SETDB1: variants seen among roughly 807,000 people sequenced by gnomAD.
SETDB1 encodes the protein histone-lysine N-methyltransferase SETDB1.
In SETDB1, 31 loss-of-function variants were observed where a neutral mutation model predicts 137.4. The observed-to-expected ratio is 0.23, with a 90% confidence interval of 0.17 to 0.30. The LOEUF is 0.30. Ranked by LOEUF, SETDB1 falls within the 10% of genes least tolerant of loss-of-function variation. SETDB1 has a pLI of 1.00. For synonymous variants in SETDB1, 548 were observed against 579.9 expected, an observed-to-expected ratio of 0.95 and a Z score of 0.79; for missense variants, 1,113 against 1,631.5, an observed-to-expected ratio of 0.68 and a Z score of 5.47.
intron 21 of SETDB1, 26 bp from the exon 22 acceptor site, chr1:150,964,221 C>T (rs1456595142): frequency 6.3e-7 from 1 of 1,599,058 alleles, no homozygotes; most frequent in Non-Finnish European, 8.6e-7. Flanking sequence ...GTCTTTGCCA[C>T]ACACCATCCT....
chr1:150,927,302 T>A (rs1669559014), intron 1 of SETDB1, among the ~76,000 whole-genome samples: 1 of 152,134 alleles, frequency 6.6e-6, no homozygotes, highest in Non-Finnish European at 1.5e-5. Context: ...ATTTTTGTAT[T>A]TTTTTGTAAA....
chr1:150,937,513 G>C (rs1464479329), intron 3 of SETDB1, among the ~76,000 whole-genome samples: 1 of 152,144 alleles, frequency 6.6e-6, no homozygotes, highest in Non-Finnish European at 1.5e-5. Context: ...GGCTACTCAG[G>C]AGGTTGAGGC....
chr1:150,942,730 G>T, intron 6 of SETDB1, 42 bp downstream of exon 6: 1 of 1,603,496 alleles, frequency 6.2e-7, no homozygotes, highest in African/African-American at 1.3e-5. Context: ...AAGGCAACCT[G>T]CACCCTCCAC....
At chr1:150,936,986 A>G (rs1669965038) in intron 3 of SETDB1, among the ~76,000 whole-genome samples, 1 of 152,088 alleles carries the variant, frequency 6.6e-6, no homozygotes. Flanking sequence ...TTAGCTGGGT[A>G]TGGTGGTGGG....
At chr1:150,947,091 G>T in intron 10 of SETDB1, 79 bp downstream of exon 10, 1 of 1,536,730 alleles carries the variant, frequency 6.5e-7, no homozygotes, top group Middle Eastern at 1.7e-4. Context: ...GCTATCCTTT[G>T]ATTAGCATGG....
intron 9 of SETDB1, 38 bp downstream of exon 9, chr1:150,945,146 G>T (rs777507839): frequency 1.4e-5 from 23 of 1,612,690 alleles, no homozygotes; most frequent in Middle Eastern, 3.3e-4. Context: ...GCAGAGGTTG[G>T]TGGGGGGGGA....
Position 150,943,800 on chromosome 1 carries a change from C to T in SETDB1, c.876-120C>T, listed in dbSNP as rs759907980. ...GGAAGAAAGTAGTGGACTGGATTGT[C>T]TTCCCTGGAGTGCATCGTGTTGTGA... On this transcript the variant is annotated intron_variant, in intron 7 of 21. Transcript: ENST00000692827. 7.1e-5 allele frequency: 45 copies of T among 632,154 alleles called. 1 individual carries two copies. Among genetic ancestry groups the T allele is most frequent in the Non-Finnish European group, 1.1e-4 (38 of 352,148 alleles). The allele number at this position is 632,154 out of a possible 1,614,324, so 39.2% of individuals were successfully genotyped here.
intron 12 of SETDB1, 44 bp from the exon 13 acceptor site, chr1:150,950,414 G>A (rs374663899): frequency 1.3e-6 from 2 of 1,502,394 alleles, no homozygotes; most frequent in Non-Finnish European, 1.8e-6. Flanking sequence ...ATAAAACAGA[G>A]GTCCTGTTGC....
chr1:150,953,354 A>G (rs763797339), intron 14 of SETDB1, among the ~76,000 whole-genome samples: 23 of 151,950 alleles, frequency 1.5e-4, no homozygotes, highest in Non-Finnish European at 2.9e-4. Context: ...GTGAAACCCC[A>G]TCTCTACTAA....
At chr1:150,952,604 C>T (rs1394378844) in intron 14 of SETDB1, among the ~76,000 whole-genome samples, 2 of 152,202 alleles carry the variant, frequency 1.3e-5, no homozygotes, top group South Asian at 2.1e-4. Context: ...TGCCGCCGGG[C>T]GCAGTGGCTC....
rs751406673 is a variant in SETDB1 at position 150,962,167 on chromosome 1, CTTTTGTTTTG to C, written c.3161+20_3161+29del. Reference sequence around the variant, plus strand: ...CGAAACAAGATGTCAGTGTAAGTGCCTTTTGTTTTGTTTTGTTTTGAGACAGAGTCTTGCT... The same window carrying C: ...CGAAACAAGATGTCAGTGTAAGTGCCTTTTGTTTTGAGACAGAGTCTTGCT... On this transcript the variant is annotated intron_variant, in intron 17 of 21. Transcript: ENST00000692827. 2.5e-6 allele frequency: 4 copies of C among 1,613,488 alleles called. No individual in the cohort carries two copies. The highest frequency in any genetic ancestry group is 3.4e-6 in the Non-Finnish European group (4 of 1,179,570).
intron 3 of SETDB1, among the ~76,000 whole-genome samples, chr1:150,931,722 C>T (rs1482382577): frequency 8.5e-6 from 1 of 117,608 alleles, no homozygotes; most frequent in Non-Finnish European, 1.7e-5. Flanking sequence ...GACTCTGTCT[C>T]ACCCAAAAAA....
chr1:150,944,789 C>A, intron 8 of SETDB1, 129 bp from the exon 9 acceptor site: 1 of 1,005,484 alleles, frequency 9.9e-7, no homozygotes. Flanking sequence ...CTTTGCTTCC[C>A]TTGAGGTTCT....
At chr1:150,938,429 G>A (rs987877275) in intron 3 of SETDB1, among the ~76,000 whole-genome samples, 1 of 151,966 alleles carries the variant, frequency 6.6e-6, no homozygotes, top group Non-Finnish European at 1.5e-5. Context: ...TTGGAGTGAT[G>A]AAATTCTTCA....
intron 14 of SETDB1, among the ~76,000 whole-genome samples, chr1:150,953,718 A>T (rs1478697198): frequency 6.6e-6 from 1 of 151,952 alleles, no homozygotes; most frequent in African/African-American, 2.4e-5. Context: ...AATCTCAGCT[A>T]TTTGGGAGGC....
At position 150,961,061 on chromosome 1, in the gene SETDB1, G is replaced by A. The variant is rs770806135; in HGVS notation, c.3002G>A (p.Ser1001Asn). ...GAAGGTGGTTTTGCTGACTCTGATA[G>A]CCATTCATCCTTCAAGACTAATGAA... Reference protein sequence around the residue: ...VSEGGFADSDSHSSFKTNEGG... With the variant: ...VSEGGFADSDNHSSFKTNEGG... The change falls in exon 16 of 22, where the codon AGC becomes AAC. Residue 1001 changes from serine (S) to asparagine (N), a missense_variant. Transcript: ENST00000692827. The A allele has an allele frequency of 6.2e-7, 1 of 1,610,784 alleles. No homozygotes were observed. The highest frequency in any genetic ancestry group is 8.5e-7 in the Non-Finnish European group (1 of 1,178,278).
intron 17 of SETDB1, 53 bp from the exon 18 acceptor site, chr1:150,962,534 A>C (rs1670854169): frequency 6.3e-7 from 1 of 1,594,520 alleles, no homozygotes; most frequent in Non-Finnish European, 8.6e-7. Flanking sequence ...CTAGGCTAGA[A>C]GCCTAAGAAA....
intron 3 of SETDB1, among the ~76,000 whole-genome samples, chr1:150,939,715 G>C (rs1670071017): frequency 6.6e-6 from 1 of 151,948 alleles, no homozygotes; most frequent in Non-Finnish European, 1.5e-5. Flanking sequence ...AGCCTTCCAA[G>C]TAGCAGGGAT....
Position 150,939,990 on chromosome 1 carries a change from A to G in SETDB1, c.447+16A>G. ...AGACCAGAAGGTAAGTTAGGATGGT[A>G]AGGGAAGGGTGAGAGATAAGAATAT... On this transcript the variant is annotated intron_variant, in intron 4 of 21. Coordinates refer to ENST00000692827, the MANE Select transcript of SETDB1 (RefSeq NM_001366418.1). 1 of 1,606,370 alleles carries G rather than the reference A, an allele frequency of 6.2e-7. No homozygotes were observed. The highest frequency in any genetic ancestry group is 8.5e-7 in the Non-Finnish European group (1 of 1,173,290).
Sources: gnomAD v4.1 joint callset for allele counts (sites outside exome capture counted in the v4.1 genomes callset) on GRCh38, gnomAD v4.1.1 for gene constraint, MANE v1.5 for transcripts, NCBI Gene and HGNC (gene_info 2026-07-23, HGNC 2026-07-21) for gene names.